ANO3: variants seen among roughly 807,000 people sequenced by gnomAD.
ANO3 encodes the protein anoctamin 3.
ANO3 carries 99 observed loss-of-function variants against 144.8 expected under a neutral mutation model. The ratio of observed to expected loss-of-function variants is 0.68; its 90% CI spans 0.58 to 0.81. ANO3 has a LOEUF of 0.81. ANO3 is among the 30% of genes least tolerant of loss of function. The pLI is 0.00. For synonymous variants in ANO3, 414 were observed against 392.6 expected, an observed-to-expected ratio of 1.05 and a Z score of -0.64; for missense variants, 905 against 1,202.2, an observed-to-expected ratio of 0.75 and a Z score of 3.66.
At chr11:26,318,514 G>C (rs1353558193) in intron 1 of ANO3, among the ~76,000 whole-genome samples, 2 of 152,176 alleles carry the variant, frequency 1.3e-5, no homozygotes, top group African/African-American at 4.8e-5. Context: ...TAGAAACTTA[G>C]AATAGGACTA....
chr11:26,532,702 C>T (rs576017145), intron 8 of ANO3, among the ~76,000 whole-genome samples: 148 of 152,040 alleles, frequency 9.7e-4, no homozygotes, highest in African/African-American at 3.4e-3. Flanking sequence ...CATTGTTTGC[C>T]ATGCTCTGCC....
At chr11:26,197,656 T>C (rs1329611823) in intron 1 of ANO3, among the ~76,000 whole-genome samples, 2 of 152,052 alleles carry the variant, frequency 1.3e-5, no homozygotes, top group Non-Finnish European at 2.9e-5. Context: ...AGGCCTAATA[T>C]AGTTTAATTT....
intron 1 of ANO3, among the ~76,000 whole-genome samples, chr11:26,411,204 T>G (rs1021009074): frequency 2.0e-5 from 3 of 152,142 alleles, no homozygotes; most frequent in African/African-American, 7.2e-5. Flanking sequence ...CATTTCATGA[T>G]TTGAAAGATA....
At chr11:26,570,027 T>C (rs1241100023) in intron 14 of ANO3, among the ~76,000 whole-genome samples, 6 of 151,820 alleles carry the variant, frequency 4.0e-5, no homozygotes, top group Non-Finnish European at 5.9e-5. Context: ...TCGAAAACCT[T>C]CTAAAGGTAG....
chr11:26,652,024 C>T (rs997414939), intron 24 of ANO3, among the ~76,000 whole-genome samples: 1 of 152,136 alleles, frequency 6.6e-6, no homozygotes, highest in Non-Finnish European at 1.5e-5. Context: ...GCCCAATCAC[C>T]GTAACCACTT....
At chr11:26,642,853 CCTT>C (rs1853214223) in intron 22 of ANO3, among the ~76,000 whole-genome samples, 1 of 151,752 alleles carries the variant, frequency 6.6e-6, no homozygotes, top group Admixed American at 6.6e-5. Context: ...TCTTCCTCCT[CCTT>C]CTCCTCCTCC....
intron 1 of ANO3, among the ~76,000 whole-genome samples, chr11:26,387,711 T>C (rs549574636): frequency 6.6e-6 from 1 of 152,166 alleles, no homozygotes; most frequent in East Asian, 1.9e-4. Context: ...TTGGGTTATC[T>C]TTTTATGCAC....
chr11:26,523,061 A>G (rs1420492840), intron 6 of ANO3, among the ~76,000 whole-genome samples: 1 of 152,176 alleles, frequency 6.6e-6, no homozygotes, highest in Admixed American at 6.5e-5. Context: ...AAGCTTAACA[A>G]TCATGGTGGA....
rs2134244437 is a variant in ANO3 at position 26,559,745 on chromosome 11, G to A, written c.1413G>A (p.Gly471=). Residue 471 remains glycine, a synonymous_variant, in exon 14 of 27, where the codon GGG becomes GGA. Coordinates refer to ENST00000256737, the MANE Select transcript of ANO3 (RefSeq NM_031418.4). ...AKVTYLFDNG[G]TVFFAIFMAI... ...TGACATATTTGTTCGATAATGGAGG[G>A]ACAGTCTTCTTTGCTATTTTTATGG... 1.9e-6 allele frequency: 3 copies of A among 1,612,188 alleles called. No homozygotes were observed. Among genetic ancestry groups the A allele is most frequent in the Non-Finnish European group, 1.7e-6 (2 of 1,178,708 alleles).
At chr11:26,410,275 A>G (rs1857396416) in intron 1 of ANO3, among the ~76,000 whole-genome samples, 1 of 151,918 alleles carries the variant, frequency 6.6e-6, no homozygotes, top group Non-Finnish European at 1.5e-5. Flanking sequence ...ATAACAGCTA[A>G]GTAGACACAA....
chr11:26,589,379 A>G (rs1851377829), intron 14 of ANO3, among the ~76,000 whole-genome samples: 1 of 151,680 alleles, frequency 6.6e-6, no homozygotes, highest in Admixed American at 6.6e-5. Context: ...AGTTACAAAG[A>G]AAGAAGGAGA....
chr11:26,338,029 A>T (rs2045705), intron 1 of ANO3, among the ~76,000 whole-genome samples: 1 of 151,654 alleles, frequency 6.6e-6, no homozygotes, highest in Non-Finnish European at 1.5e-5. Context: ...CCCTGTCACC[A>T]CCTCTGTGCC....
chr11:26,484,934 G>T lies in ANO3; in HGVS notation c.432+21786G>T, dbSNP rs190851426. Among the ~76,000 whole-genome samples, 21 of 152,236 alleles carry T rather than the reference G, an allele frequency of 1.4e-4. 1 individual carries two copies. Among genetic ancestry groups the T allele is most frequent in the Admixed American group, 5.9e-4 (9 of 15,294 alleles). ...CCTCCTGGGTTTTGGGCTTGTTTGGGGCCTGCAGCCCCTTTGTTTTGTCAA... is the reference window on the plus strand; with the variant it reads ...CCTCCTGGGTTTTGGGCTTGTTTGGTGCCTGCAGCCCCTTTGTTTTGTCAA... On this transcript the variant is annotated intron_variant, in intron 4 of 26. Coordinates refer to ENST00000256737, the MANE Select transcript of ANO3 (RefSeq NM_031418.4).
At chr11:26,382,141 G>C (rs917873293) in intron 1 of ANO3, among the ~76,000 whole-genome samples, 11 of 151,770 alleles carry the variant, frequency 7.2e-5, no homozygotes, top group African/African-American at 2.4e-4. Flanking sequence ...GAGCTTTCTG[G>C]GCTTACCAGT....
intron 1 of ANO3, among the ~76,000 whole-genome samples, chr11:26,339,695 T>A (rs1233234017): frequency 6.6e-6 from 1 of 152,216 alleles, no homozygotes; most frequent in East Asian, 1.9e-4. Context: ...CTTCTGTGAC[T>A]TCATTCACCG....
At chr11:26,564,692 T>TACACACAC (rs370277580) in intron 14 of ANO3, among the ~76,000 whole-genome samples, 1 of 41,116 alleles carries the variant, frequency 2.4e-5, no homozygotes, top group Admixed American at 3.1e-4. Flanking sequence ...CTCATATATA[T>TACACACAC]ACACACACAC....
intron 13 of ANO3, 191 bp from the exon 14 acceptor site, chr11:26,559,528 C>G (rs971825259): frequency 1.8e-6 from 1 of 560,092 alleles, no homozygotes; most frequent in Admixed American, 3.0e-5. Flanking sequence ...TGTTTCTTCA[C>G]CTCTCCCCAT....
upstream of ANO3, among the ~76,000 whole-genome samples, chr11:26,308,163 T>C (rs1034162667): frequency 2.0e-5 from 3 of 152,342 alleles, no homozygotes; most frequent in Non-Finnish European, 2.9e-5. Context: ...TAAATATCTT[T>C]CTGCAAAGAC....
chr11:26,390,405 C>G (rs1255993479), intron 1 of ANO3, among the ~76,000 whole-genome samples: 1 of 152,056 alleles, frequency 6.6e-6, no homozygotes, highest in Non-Finnish European at 1.5e-5. Context: ...CTCTTCTCCT[C>G]CATCTGACCC....
Sources: gnomAD v4.1 joint callset for allele counts (sites outside exome capture counted in the v4.1 genomes callset) on GRCh38, gnomAD v4.1.1 for gene constraint, MANE v1.5 for transcripts, NCBI Gene and HGNC (gene_info 2026-07-23, HGNC 2026-07-21) for gene names.